Variants in HMGB1 observed in about 807,000 individuals in gnomAD.
HMGB1 encodes high mobility group box 1.
For missense variants in HMGB1, 79 were observed against 253.5 expected, an observed-to-expected ratio of 0.31 and a Z score of 4.67; for synonymous variants, 81 against 84.0, an observed-to-expected ratio of 0.96 and a Z score of 0.19.
chr13:30,502,194 G>T, intron 1 of HMGB1, among the ~76,000 whole-genome samples: 1 of 152,062 alleles, frequency 6.6e-6, no homozygotes, highest in East Asian at 1.9e-4. Context: ...CTCCACTTGG[G>T]TTTTTTTACA....
intron 1 of HMGB1, among the ~76,000 whole-genome samples, chr13:30,549,852 G>A (rs1869341893): frequency 6.6e-6 from 1 of 152,102 alleles, no homozygotes; most frequent in Non-Finnish European, 1.5e-5. Context: ...GAGTACCTGG[G>A]ATTGCAGGCG....
intron 1 of HMGB1, among the ~76,000 whole-genome samples, chr13:30,561,337 A>G (rs996429337): frequency 2.6e-5 from 4 of 152,178 alleles, no homozygotes; most frequent in African/African-American, 9.7e-5. Context: ...TGTGTGTGTC[A>G]AATGAGAAAA....
intron 1 of HMGB1, chr13:30,465,215 G>A: frequency 8.9e-6 from 5 of 561,160 alleles, no homozygotes; most frequent in Non-Finnish European, 1.1e-5. Context: ...CGCCGCGACC[G>A]GGCCGAGGCC....
chr13:30,539,641 G>T, intron 1 of HMGB1: 2 of 307,460 alleles, frequency 6.5e-6, no homozygotes. Flanking sequence ...TGAGGGTCCT[G>T]AAAAGGATTG....
intron 1 of HMGB1, among the ~76,000 whole-genome samples, chr13:30,526,817 A>C (rs565219147): frequency 6.6e-6 from 1 of 152,326 alleles, no homozygotes; most frequent in Admixed American, 6.5e-5. Flanking sequence ...CCTGTGAGAG[A>C]GTCTGTGTGT....
chr13:30,509,048 C>A (rs1330681888), intron 1 of HMGB1, among the ~76,000 whole-genome samples: 1 of 151,524 alleles, frequency 6.6e-6, no homozygotes, highest in Non-Finnish European at 1.5e-5. Context: ...CATCCTTCTG[C>A]CTCAGCTGCT....
intron 1 of HMGB1, among the ~76,000 whole-genome samples, chr13:30,560,817 A>G (rs370886355): frequency 2.1e-4 from 32 of 152,242 alleles, no homozygotes; most frequent in Non-Finnish European, 3.4e-4. Context: ...AGGAGATGGC[A>G]AAGTCAACTG....
At chr13:30,478,115 C>T (rs1887140622) in intron 1 of HMGB1, among the ~76,000 whole-genome samples, 1 of 152,214 alleles carries the variant, frequency 6.6e-6, no homozygotes, top group African/African-American at 2.4e-5. Context: ...CAGAAATGAA[C>T]TCTGCATTGA....
intron 3 of HMGB1, among the ~76,000 whole-genome samples, chr13:30,463,005 C>A (rs1886456303): frequency 6.6e-6 from 1 of 152,090 alleles, no homozygotes; most frequent in Non-Finnish European, 1.5e-5. Context: ...CAAAGGAGAC[C>A]AAATGTCTAA....
chr13:30,579,067 C>T (rs193153929), intron 1 of HMGB1, among the ~76,000 whole-genome samples: 46 of 152,266 alleles, frequency 3.0e-4, no homozygotes, highest in South Asian at 2.1e-4. Context: ...AGGGCAAGGA[C>T]GGAATCATTC....
At chr13:30,568,600 A>G (rs1301608859) in intron 1 of HMGB1, among the ~76,000 whole-genome samples, 2 of 152,178 alleles carry the variant, frequency 1.3e-5, no homozygotes, top group African/African-American at 4.8e-5. Flanking sequence ...ATCCAATGAC[A>G]TTTGTCCTTA....
At chr13:30,488,645 TTTATTATTATTATTATTATTATTA>T (rs58604214) in intron 1 of HMGB1, among the ~76,000 whole-genome samples, 104 of 137,856 alleles carry the variant, frequency 7.5e-4, no homozygotes, top group Middle Eastern at 3.6e-3. Flanking sequence ...AATTTTTAAT[TTTATTATTATTATTATTATTATTA>T]TTATTATTAT....
intron 1 of HMGB1, among the ~76,000 whole-genome samples, chr13:30,473,034 T>C (rs750100489): frequency 1.3e-5 from 2 of 152,076 alleles, no homozygotes; most frequent in Non-Finnish European, 2.9e-5. Context: ...AACATTTCCT[T>C]AGGGCTGTCA....
chr13:30,603,427 A>G (rs919251000), intron 1 of HMGB1, among the ~76,000 whole-genome samples: 1 of 152,096 alleles, frequency 6.6e-6, no homozygotes, highest in African/African-American at 2.4e-5. Flanking sequence ...CTCTCCTTCT[A>G]TATGACCACA....
chr13:30,456,756 T>TGGGTGG lies in HMGB1; in HGVS notation c.*4600_*4601insCCACCC, dbSNP rs1555231061. 1 of 2,548 alleles carries TGGGTGG rather than the reference T, an allele frequency of 3.9e-4. No individual in the cohort carries two copies. Among genetic ancestry groups the TGGGTGG allele is most frequent in the Non-Finnish European group, 1.0e-3 (1 of 1,004 alleles). 0.2% of individuals were successfully genotyped at this position (2,548 alleles called of 1,614,324 possible). A position where few individuals can be genotyped will look rare whatever the true frequency, so the allele number is the denominator to read the frequency against. ...TTCACAGCATAAATAACAGCTTTTG[T>TGGGTGG]GGGCGGGGGGGGGGGGTGGTGGGGT... On this transcript the variant is annotated 3_prime_UTR_variant, in exon 5 of 5. Transcript: ENST00000341423.
chr13:30,545,640 T>C (rs974862333), intron 1 of HMGB1, among the ~76,000 whole-genome samples: 5 of 152,162 alleles, frequency 3.3e-5, no homozygotes, highest in Non-Finnish European at 4.4e-5. Context: ...TAAATCAAAA[T>C]TAAAACTAAA....
At chr13:30,465,058 G>A (rs1304840960) in intron 1 of HMGB1, 21 of 668,908 alleles carry the variant, frequency 3.1e-5, no homozygotes, top group African/African-American at 4.1e-5. Flanking sequence ...AAAGAGAGAG[G>A]AAAAAAAAAG....
intron 1 of HMGB1, chr13:30,465,136 C>CG: frequency 1.0e-6 from 1 of 970,800 alleles, no homozygotes; most frequent in African/African-American, 1.8e-5. Flanking sequence ...CCAGCAGCGC[C>CG]GGGCCCGAGT....
At chr13:30,589,007 C>CTTTTTTTTTTTTTTTTT (rs1292576513) in intron 1 of HMGB1, among the ~76,000 whole-genome samples, 37 of 141,702 alleles carry the variant, frequency 2.6e-4, no homozygotes, top group African/African-American at 7.2e-4. Context: ...TAGTTTACCA[C>CTTTTTTTTTTTTTTTTT]TTTTTTTTTT....
Sources: gnomAD v4.1 joint callset for allele counts (sites outside exome capture counted in the v4.1 genomes callset) on GRCh38, gnomAD v4.1.1 for gene constraint, MANE v1.5 for transcripts, NCBI Gene and HGNC (gene_info 2026-07-23, HGNC 2026-07-21) for gene names.